The following COBL variants were observed in gnomAD, a reference collection of about 807,000 sequenced individuals.
COBL encodes the protein cordon-bleu WH2 repeat protein.
A neutral mutation model predicts 98.8 loss-of-function variants in COBL; 51 were observed. The ratio of observed to expected loss-of-function variants is 0.52; its 90% CI spans 0.41 to 0.65. The LOEUF is 0.65. Ranked by LOEUF, COBL falls within the 30% of genes least tolerant of loss-of-function variation. The probability of loss-of-function intolerance (pLI) is 0.00; values close to 1 mark genes in which losing one functional copy is unlikely to be tolerated. For missense variants in COBL, 1,617 were observed against 1,617.5 expected (o/e 1.00, Z 0.01); for synonymous variants, 634 against 651.7 (o/e 0.97, Z 0.41).
chr7:51,287,173 T>C (rs1800447337), intron 1 of COBL, among the ~76,000 whole-genome samples: 1 of 152,036 alleles, frequency 6.6e-6, no homozygotes, highest in African/African-American at 2.4e-5. Context: ...GATCAGCCAT[T>C]CCCCAAACCT....
At chr7:51,232,004 G>C (rs1794800939) in intron 1 of COBL, among the ~76,000 whole-genome samples, 1 of 152,198 alleles carries the variant, frequency 6.6e-6, no homozygotes, top group South Asian at 2.1e-4. Context: ...GGGAAGGGGA[G>C]AGCTTCAGCT....
At chr7:51,043,845 A>G in intron 7 of COBL, among the ~76,000 whole-genome samples, 153 bp from the exon 8 acceptor site, 1 of 152,148 alleles carries the variant, frequency 6.6e-6, no homozygotes, top group East Asian at 1.9e-4. Flanking sequence ...ACTGCTGAAT[A>G]CTCCTGAAAC....
intron 1 of COBL, among the ~76,000 whole-genome samples, chr7:51,302,187 A>G (rs1315624788): frequency 6.6e-6 from 1 of 152,270 alleles, no homozygotes; most frequent in Admixed American, 6.5e-5. Context: ...AGGGGGTCAC[A>G]TAAATAAAGC....
At chr7:51,061,848 T>C (rs1235519940) in intron 7 of COBL, among the ~76,000 whole-genome samples, 1 of 152,030 alleles carries the variant, frequency 6.6e-6, no homozygotes, top group Non-Finnish European at 1.5e-5. Flanking sequence ...CATCACCAGC[T>C]TTCCGGGGTC....
At chr7:51,232,646 C>T (rs2129106716) in intron 1 of COBL, among the ~76,000 whole-genome samples, 1 of 152,214 alleles carries the variant, frequency 6.6e-6, no homozygotes, top group East Asian at 1.9e-4. Flanking sequence ...CCTGCCTCTA[C>T]TAAAAATACA....
At chr7:51,164,819 TAGAC>T (rs1466430380) in intron 5 of COBL, among the ~76,000 whole-genome samples, 3 of 151,936 alleles carry the variant, frequency 2.0e-5, no homozygotes, top group Admixed American at 6.6e-5. Context: ...TTTAAAGACA[TAGAC>T]AGTACAATAA....
intron 5 of COBL, among the ~76,000 whole-genome samples, chr7:51,141,189 T>C (rs1799710841): frequency 6.6e-6 from 1 of 152,088 alleles, no homozygotes; most frequent in South Asian, 2.1e-4. Context: ...ATCCTACAAA[T>C]ACAATTATAC....
chr7:51,028,222 G>T lies in COBL; in HGVS notation c.2874C>A (p.His958Gln). ...GTCTGTCCTGAGTAGACAACTTCCT[G>T]TGTGGGCCAATGACCTCCCCCCTAG... is the stretch of plus-strand genomic sequence containing the variant. Reference protein sequence around the residue: ...APPRGEVIGPHRKLSTQDRPA... With the variant: ...APPRGEVIGPQRKLSTQDRPA... The change falls in exon 10 of 13, where the codon CAC becomes CAA. Residue 958 changes from histidine to glutamine, a missense_variant. Physicochemically the swap from His to Gln is conservative, Grantham distance 24. Around this residue, in one of 3 missense-constraint regions of COBL, gnomAD observed 1,304 missense variants for 1,282.0 expected, o/e 1.02. Coordinates refer to ENST00000265136, the MANE Select transcript of COBL (RefSeq NM_015198.5). 1 of 1,614,162 alleles carries T rather than the reference G, an allele frequency of 6.2e-7. No individual in the cohort carries two copies.
chr7:51,219,851 G>A lies in COBL; in HGVS notation c.135C>T (p.Leu45=), dbSNP rs150939169. Residue 45 remains leucine, a synonymous_variant, in exon 2 of 13, where the codon CTC becomes CTT. Coordinates refer to ENST00000265136, the MANE Select transcript of COBL (RefSeq NM_015198.5). ...SDQKPPHDGA[L]GSQQNLVRMK... ...TGCGAACCAAGTTCTGCTGCGACCCGAGGGCCCCATCGTGGGGGGGCTTCT... is the reference window on the plus strand; with the variant it reads ...TGCGAACCAAGTTCTGCTGCGACCCAAGGGCCCCATCGTGGGGGGGCTTCT... 18 of 1,613,754 alleles carry A rather than the reference G, an allele frequency of 1.1e-5. No homozygotes were observed. The highest frequency in any genetic ancestry group is 3.3e-4 in the Middle Eastern group (2 of 6,010).
Position 51,219,868 on chromosome 7 carries a change from G to A in COBL, c.118C>T (p.Pro40Ser). The A allele has an allele frequency of 6.2e-7, 1 of 1,613,500 alleles. No homozygotes were observed. The highest frequency in any genetic ancestry group is 8.5e-7 in the Non-Finnish European group (1 of 1,180,034). Residue 40 changes from proline to serine, a missense_variant, in exon 2 of 13, where the codon CCC becomes TCC. Coordinates refer to ENST00000265136, the MANE Select transcript of COBL (RefSeq NM_015198.5). Reference sequence around the variant, plus strand: ...TGCGACCCGAGGGCCCCATCGTGGGGGGGCTTCTGGTCACTGTGCACATGC... The same window carrying A: ...TGCGACCCGAGGGCCCCATCGTGGGAGGGCTTCTGGTCACTGTGCACATGC... ...TLHVHSDQKPPHDGALGSQQN... is the reference protein window; with the variant it reads ...TLHVHSDQKPSHDGALGSQQN...
At chr7:51,202,021 G>A (rs528599581) in intron 2 of COBL, among the ~76,000 whole-genome samples, 11 of 152,218 alleles carry the variant, frequency 7.2e-5, no homozygotes, top group African/African-American at 2.6e-4. Flanking sequence ...CCACCTACTA[G>A]TCACTTCATG....
At chr7:51,284,658 C>CACTA (rs1253715325) in intron 1 of COBL, among the ~76,000 whole-genome samples, 1 of 151,562 alleles carries the variant, frequency 6.6e-6, no homozygotes, top group African/African-American at 2.4e-5. Flanking sequence ...GAAACCCCAT[C>CACTA]ACTACTAAAA....
intron 7 of COBL, among the ~76,000 whole-genome samples, chr7:51,074,475 T>A (rs568814469): frequency 1.3e-5 from 2 of 152,352 alleles, no homozygotes; most frequent in East Asian, 3.9e-4. Flanking sequence ...ATTACAGGCG[T>A]GAAGGTAATG....
intron 6 of COBL, among the ~76,000 whole-genome samples, chr7:51,098,324 A>G (rs2128959435): frequency 6.6e-6 from 1 of 151,440 alleles, no homozygotes; most frequent in Non-Finnish European, 1.5e-5. Context: ...GGAAGAAAAC[A>G]ATAAAACATA....
intron 2 of COBL, among the ~76,000 whole-genome samples, chr7:51,208,097 T>G (rs1309938475): frequency 7.1e-6 from 1 of 140,102 alleles, no homozygotes; most frequent in Non-Finnish European, 1.5e-5. Context: ...GTCTGGAATG[T>G]GAGGAGCGCC....
At chr7:51,171,972 T>C (rs1246063310) in intron 5 of COBL, among the ~76,000 whole-genome samples, 1 of 152,278 alleles carries the variant, frequency 6.6e-6, no homozygotes, top group Non-Finnish European at 1.5e-5. Flanking sequence ...ATTTATAAGA[T>C]GTCATGAATT....
At chr7:51,167,131 G>C (rs1343129560) in intron 5 of COBL, among the ~76,000 whole-genome samples, 2 of 152,058 alleles carry the variant, frequency 1.3e-5, no homozygotes, top group Non-Finnish European at 2.9e-5. Context: ...AGATATAAAG[G>C]GCATTCAAAT....
chr7:51,235,040 G>A (rs1795114516), intron 1 of COBL, among the ~76,000 whole-genome samples: 1 of 152,136 alleles, frequency 6.6e-6, no homozygotes, highest in Non-Finnish European at 1.5e-5. Context: ...GGTCCTGAGG[G>A]ACAGTCTGCA....
intron 5 of COBL, among the ~76,000 whole-genome samples, chr7:51,145,686 C>T (rs1327144953): frequency 2.0e-5 from 3 of 152,178 alleles, no homozygotes; most frequent in African/African-American, 7.2e-5. Flanking sequence ...GCCTGTTATT[C>T]CTCTGTTTAA....
Sources: allele counts gnomAD v4.1 joint callset (sites outside exome capture counted in the v4.1 genomes callset), GRCh38; gene constraint gnomAD v4.1.1; regional missense constraint gnomAD v4.1.1; transcripts MANE v1.5; gene names NCBI Gene and HGNC (gene_info 2026-07-23, HGNC 2026-07-21).